Variants in ARHGAP26 observed in about 807,000 individuals in gnomAD.
The protein encoded by ARHGAP26 is rho GTPase-activating protein 26.
In ARHGAP26, 38 loss-of-function variants were observed where a neutral mutation model predicts 104.8. The ratio of observed to expected loss-of-function variants is 0.36; its 90% CI spans 0.28 to 0.48. ARHGAP26 has a LOEUF of 0.48. ARHGAP26 is among the 20% of genes least tolerant of loss of function. ARHGAP26 has a pLI of 0.99. For synonymous variants in ARHGAP26, 341 were observed against 340.0 expected (o/e 1.00, Z -0.03); for missense variants, 704 against 947.9 (o/e 0.74, Z 3.38).
At chr5:143,191,120 A>C (rs537400091) in intron 20 of ARHGAP26, among the ~76,000 whole-genome samples, 2 of 152,362 alleles carry the variant, frequency 1.3e-5, no homozygotes, top group South Asian at 4.1e-4. Context: ...ATGCTTGCAC[A>C]GCTCCATCAG....
At chr5:143,128,888 G>GCT (rs1270072997) in intron 18 of ARHGAP26, among the ~76,000 whole-genome samples, 1 of 152,190 alleles carries the variant, frequency 6.6e-6, no homozygotes, top group African/African-American at 2.4e-5. Flanking sequence ...TAGACTAGGA[G>GCT]CTCTTCGTCA....
intron 14 of ARHGAP26, among the ~76,000 whole-genome samples, chr5:143,044,985 A>G (rs147804608): frequency 6.6e-6 from 1 of 152,340 alleles, no homozygotes; most frequent in Non-Finnish European, 1.5e-5. Context: ...AAGATGACAG[A>G]TTATTATGTA....
rs547151129 is a variant in ARHGAP26 at position 142,940,368 on chromosome 5, G to A, written c.1107+8243G>A. Among the ~76,000 whole-genome samples, 31 of 152,134 alleles carry A rather than the reference G, an allele frequency of 2.0e-4. No individual in the cohort carries two copies. In the South Asian group the frequency reaches 6.4e-3, roughly 32 times the overall value. On this transcript the variant is annotated intron_variant, in intron 11 of 22. Coordinates refer to ENST00000645722, the MANE Select transcript of ARHGAP26 (RefSeq NM_001135608.3). Reference sequence around the variant, plus strand: ...AGGGGTACATGTGCAGGTTTGTTATGTAGGTAAACTTGTGTCATGGGGTTT... The same window carrying A: ...AGGGGTACATGTGCAGGTTTGTTATATAGGTAAACTTGTGTCATGGGGTTT...
chr5:143,112,987 T>C (rs1213479242), intron 17 of ARHGAP26, among the ~76,000 whole-genome samples: 1 of 152,204 alleles, frequency 6.6e-6, no homozygotes, highest in Non-Finnish European at 1.5e-5. Flanking sequence ...GAAGTGAAAT[T>C]GCTGGATCAA....
intron 1 of ARHGAP26, among the ~76,000 whole-genome samples, chr5:142,837,636 C>A (rs868220840): frequency 6.6e-6 from 1 of 152,286 alleles, no homozygotes; most frequent in East Asian, 1.9e-4. Flanking sequence ...CCTATCTTTT[C>A]CCTGCAGTAG....
intron 17 of ARHGAP26, among the ~76,000 whole-genome samples, chr5:143,069,259 C>T (rs1463421104): frequency 1.3e-5 from 2 of 152,112 alleles, no homozygotes; most frequent in Non-Finnish European, 1.5e-5. Flanking sequence ...TTTCTTCTCC[C>T]CGAAATGTAA....
chr5:143,214,758 C>T (rs1810061765), intron 22 of ARHGAP26, among the ~76,000 whole-genome samples: 2 of 152,210 alleles, frequency 1.3e-5, no homozygotes, highest in African/African-American at 2.4e-5. Flanking sequence ...GGGAACAAGG[C>T]ACAGAACATG....
intron 17 of ARHGAP26, among the ~76,000 whole-genome samples, chr5:143,088,987 G>C (rs901094912): frequency 6.6e-6 from 1 of 152,148 alleles, no homozygotes; most frequent in African/African-American, 2.4e-5. Flanking sequence ...GTAGGTAATC[G>C]GAATGAGTCA....
At chr5:143,189,952 AC>A (rs767957946) in intron 20 of ARHGAP26, among the ~76,000 whole-genome samples, 13 of 152,066 alleles carry the variant, frequency 8.5e-5, no homozygotes, top group Non-Finnish European at 1.8e-4. Flanking sequence ...TGAGTAGTAA[AC>A]AAGGCTAAGG....
intron 1 of ARHGAP26, chr5:142,860,521 C>A (rs1270831806): frequency 6.6e-6 from 1 of 152,256 alleles, no homozygotes; most frequent in Non-Finnish European, 1.5e-5. Context: ...GGGCAGTCAG[C>A]ACCAGGGCCA....
intron 1 of ARHGAP26, among the ~76,000 whole-genome samples, chr5:142,802,022 C>G (rs1282311410): frequency 6.6e-6 from 1 of 152,076 alleles, no homozygotes; most frequent in African/African-American, 2.4e-5. Flanking sequence ...GGGATCTGTT[C>G]CCTCTTAAAT....
intron 20 of ARHGAP26, among the ~76,000 whole-genome samples, chr5:143,197,855 G>A (rs1028279464): frequency 9.9e-5 from 15 of 152,122 alleles, no homozygotes; most frequent in African/African-American, 3.6e-4. Flanking sequence ...TAGATATCCA[G>A]TTAGTCTAGC....
chr5:143,124,293 C>T (rs915801930), intron 18 of ARHGAP26, among the ~76,000 whole-genome samples: 21 of 152,200 alleles, frequency 1.4e-4, no homozygotes, highest in Non-Finnish European at 2.8e-4. Context: ...AGGCATCTAG[C>T]CATTGGAGCC....
At chr5:143,059,902 C>G (rs1339464476) in intron 17 of ARHGAP26, among the ~76,000 whole-genome samples, 1 of 152,082 alleles carries the variant, frequency 6.6e-6, no homozygotes, top group Non-Finnish European at 1.5e-5. Context: ...GTGCTGTGTT[C>G]TTGTCTCTCG....
chr5:143,019,840 G>C (rs1665140422), intron 12 of ARHGAP26, among the ~76,000 whole-genome samples: 1 of 152,240 alleles, frequency 6.6e-6, no homozygotes, highest in Non-Finnish European at 1.5e-5. Flanking sequence ...AAGTCTGACA[G>C]ATTGAGGCAG....
At chr5:143,211,816 A>G (rs1365916307) in intron 21 of ARHGAP26, among the ~76,000 whole-genome samples, 1 of 152,034 alleles carries the variant, frequency 6.6e-6, no homozygotes, top group African/African-American at 2.4e-5. Context: ...CCACCTCCCA[A>G]AGTGCTAGGA....
At chr5:143,061,353 A>C (rs1311684666) in intron 17 of ARHGAP26, among the ~76,000 whole-genome samples, 1 of 152,224 alleles carries the variant, frequency 6.6e-6, no homozygotes, top group Non-Finnish European at 1.5e-5. Flanking sequence ...GACTCCAAGT[A>C]TGTTGTATAT....
Position 143,048,267 on chromosome 5 carries a change from G to A in ARHGAP26, c.1286-6172G>A, listed in dbSNP as rs188898788. 2.8e-3 allele frequency among the ~76,000 whole-genome samples: 420 copies of A among 151,986 alleles called. 3 individuals are homozygous for A. The highest frequency in any genetic ancestry group is 9.7e-3 in the African/African-American group (402 of 41,450). ...GGTGCATTTGTTTTTGTTGTCTTAT[G>A]ACTATTTTATTGAGATGGGGTCTCA... On this transcript the variant is annotated intron_variant, in intron 14 of 22. Coordinates refer to ENST00000645722, the MANE Select transcript of ARHGAP26 (RefSeq NM_001135608.3).
chr5:142,955,126 C>CACACACA (rs561605232), intron 11 of ARHGAP26, among the ~76,000 whole-genome samples: 2,850 of 148,672 alleles, frequency 0.019, 57 homozygotes, highest in South Asian at 0.044. Context: ...ACACACACAC[C>CACACACA]CCCCATCTCT....
Sources: allele counts gnomAD v4.1 joint callset (sites outside exome capture counted in the v4.1 genomes callset), GRCh38; gene constraint gnomAD v4.1.1; transcripts MANE v1.5; gene names NCBI Gene and HGNC (gene_info 2026-07-23, HGNC 2026-07-21).